The following LPP variants were observed in gnomAD, a reference collection of about 807,000 sequenced individuals.
LPP encodes the protein LIM domain containing preferred translocation partner in lipoma, also known as lipoma-preferred partner.
LPP carries 38 observed loss-of-function variants against 60.4 expected under a neutral mutation model. The ratio of observed to expected loss-of-function variants is 0.63; its 90% CI spans 0.49 to 0.83. The LOEUF (loss-of-function observed/expected upper bound fraction) is 0.83. LPP is among the 40% of genes least tolerant of loss of function. The pLI, the probability that LPP is intolerant of heterozygous loss-of-function variation, is 0.00. For synonymous variants in LPP, 328 were observed against 290.8 expected (o/e 1.13, Z -1.30); for missense variants, 902 against 783.6 (o/e 1.15, Z -1.80).
chr3:188,643,553 A>G (rs772416143), intron 7 of LPP, among the ~76,000 whole-genome samples: 1 of 152,218 alleles, frequency 6.6e-6, no homozygotes, highest in Non-Finnish European at 1.5e-5. Context: ...GTAGTTGTGG[A>G]TTCCTTCAAA....
At position 188,235,609 on chromosome 3, in the gene LPP, G is replaced by GT. The variant is rs1445660088; in HGVS notation, c.-67+10083dup. Among the ~76,000 whole-genome samples, 3 of 152,302 alleles carry GT rather than the reference G, an allele frequency of 2.0e-5. No homozygotes were observed. In the South Asian group the frequency reaches 6.2e-4, roughly 32 times the overall value. On this transcript the variant is annotated intron_variant, in intron 2 of 11. Coordinates refer to ENST00000617246, the MANE Select transcript of LPP (RefSeq NM_001375462.1). ...TCCTTTCTCCATAATCTTGGCACAT[G>GT]TAAGTGCTGACTTACCTTGGGCAAT...
chr3:188,309,609 G>C (rs1371595580), intron 2 of LPP, among the ~76,000 whole-genome samples: 1 of 152,060 alleles, frequency 6.6e-6, no homozygotes, highest in African/African-American at 2.4e-5. Flanking sequence ...GTTGTGTCCT[G>C]TGGCATCCAC....
intron 7 of LPP, among the ~76,000 whole-genome samples, chr3:188,679,216 A>G (rs560120012): frequency 1.3e-5 from 2 of 152,334 alleles, no homozygotes; most frequent in South Asian, 2.1e-4. Context: ...GGATTCCACA[A>G]TTGTAAAATG....
At chr3:188,783,720 A>G (rs1358921617) in intron 9 of LPP, among the ~76,000 whole-genome samples, 1 of 88,278 alleles carries the variant, frequency 1.1e-5, no homozygotes, top group Admixed American at 1.3e-4. Context: ...GTTTTTTTTA[A>G]AAAAAGAAAA....
intron 1 of LPP, among the ~76,000 whole-genome samples, chr3:188,205,726 G>A (rs1733018621): frequency 6.6e-6 from 1 of 152,176 alleles, no homozygotes; most frequent in African/African-American, 2.4e-5. Context: ...GGAATTTACT[G>A]GAATCAGACC....
intron 3 of LPP, among the ~76,000 whole-genome samples, chr3:188,382,408 C>T (rs946886410): frequency 2.0e-5 from 3 of 152,134 alleles, no homozygotes; most frequent in Admixed American, 2.0e-4. Context: ...GCATCAAATT[C>T]TAAGTTAATA....
Position 188,866,199 on chromosome 3 carries a change from G to C in LPP, c.1411-1G>C. The C allele has an allele frequency of 6.8e-7, 1 of 1,463,326 alleles. No homozygotes were observed. The highest frequency in any genetic ancestry group is 9.1e-7 in the Non-Finnish European group (1 of 1,097,686). The allele number at this position is 1,463,326 out of a possible 1,614,324, so 90.6% of individuals were successfully genotyped here. On this transcript the variant is annotated splice_acceptor_variant, in intron 9 of 11. Coordinates refer to ENST00000617246, the MANE Select transcript of LPP (RefSeq NM_001375462.1). LOFTEE classifies it high-confidence loss of function. ...GACGTGGTTTCTGTTTCCTTCCCCA[G>C]AATACTCTGGAGCAGTGCAATGTGT...
intron 9 of LPP, among the ~76,000 whole-genome samples, chr3:188,851,884 C>T (rs1486457503): frequency 2.6e-5 from 4 of 152,176 alleles, no homozygotes; most frequent in African/African-American, 9.7e-5. Flanking sequence ...CATCTTGGGC[C>T]AGGCGTGGTG....
At chr3:188,782,561 T>G (rs1218864333) in intron 9 of LPP, among the ~76,000 whole-genome samples, 1 of 152,204 alleles carries the variant, frequency 6.6e-6, no homozygotes, top group Admixed American at 6.5e-5. Flanking sequence ...TAATAAATGC[T>G]AACTGTGACT....
At chr3:188,796,791 T>C (rs1745486466) in intron 9 of LPP, among the ~76,000 whole-genome samples, 1 of 152,180 alleles carries the variant, frequency 6.6e-6, no homozygotes, top group African/African-American at 2.4e-5. Flanking sequence ...TTTTTGATAA[T>C]TATTTTGAGA....
At chr3:188,224,976 C>T (rs1377868729) in intron 1 of LPP, among the ~76,000 whole-genome samples, 1 of 152,158 alleles carries the variant, frequency 6.6e-6, no homozygotes, top group African/African-American at 2.4e-5. Flanking sequence ...CTCTGCTGCT[C>T]ACTGATTCTC....
chr3:188,473,032 C>G (rs1802251493), intron 4 of LPP, among the ~76,000 whole-genome samples: 1 of 152,034 alleles, frequency 6.6e-6, no homozygotes, highest in Non-Finnish European at 1.5e-5. Context: ...GACTGTTTCT[C>G]TATTTTTTTT....
In LPP at chr3:188,182,961, A is replaced by G. The variant is rs193199472; in HGVS notation, c.-190+28709A>G. Among the ~76,000 whole-genome samples, 2 of 151,938 alleles carry G rather than the reference A, an allele frequency of 1.3e-5. No homozygotes were observed. The highest frequency in any genetic ancestry group is 4.8e-5 in the African/African-American group (2 of 41,424). Reference sequence around the variant, plus strand: ...ATTGTACATTGCTGGTGAAAAACCAATGGTCTAGGCCAGCATCCTATTGTA... The same window carrying G: ...ATTGTACATTGCTGGTGAAAAACCAGTGGTCTAGGCCAGCATCCTATTGTA... On this transcript the variant is annotated intron_variant, in intron 1 of 11. Transcript: ENST00000617246. The surrounding 1 kb of genome is among the most constrained non-coding windows in gnomAD (Gnocchi z 4.4).
chr3:188,702,580 C>T lies in LPP; in HGVS notation c.1114-5687C>T, dbSNP rs548960914. On this transcript the variant is annotated intron_variant, in intron 7 of 11. Coordinates refer to ENST00000617246, the MANE Select transcript of LPP (RefSeq NM_001375462.1). Reference sequence around the variant, plus strand: ...TAAAGTTCTTGGCACTTGGTAATCCCGTAGGAGATTTATGTTAAGACAATT... The same window carrying T: ...TAAAGTTCTTGGCACTTGGTAATCCTGTAGGAGATTTATGTTAAGACAATT... Among the ~76,000 whole-genome samples, 144 of 152,214 alleles carry T rather than the reference C, an allele frequency of 9.5e-4. 1 individual carries two copies. Among genetic ancestry groups the T allele is most frequent in the African/African-American group, 3.4e-3 (142 of 41,532 alleles).
rs1405247751 is a variant in LPP at position 188,593,485 on chromosome 3, T to TACCCCAA, written c.430-15676_430-15675insACCCCAA. 1.1e-4 allele frequency among the ~76,000 whole-genome samples: 17 copies of TACCCCAA among 152,276 alleles called. 1 individual carries two copies. The highest frequency in any genetic ancestry group is 2.6e-4 in the African/African-American group (11 of 41,568). On this transcript the variant is annotated intron_variant, in intron 6 of 11. Transcript: ENST00000617246. Reference sequence around the variant, plus strand: ...CTAAGTTATTGGGGTATAGGTGGTATTTGGTTACATTAGTAAGTTCTTTAA... The same window carrying TACCCCAA: ...CTAAGTTATTGGGGTATAGGTGGTATACCCCAATTGGTTACATTAGTAAGTTCTTTAA...
intron 8 of LPP, among the ~76,000 whole-genome samples, chr3:188,747,536 CAT>C (rs1316615738): frequency 6.6e-6 from 1 of 152,070 alleles, no homozygotes; most frequent in Non-Finnish European, 1.5e-5. Context: ...ATTTGAGAAG[CAT>C]GTTTCCTTAA....
At chr3:188,697,063 A>G (rs1863407033) in intron 7 of LPP, among the ~76,000 whole-genome samples, 1 of 152,220 alleles carries the variant, frequency 6.6e-6, no homozygotes, top group Non-Finnish European at 1.5e-5. Flanking sequence ...GGTCAAGCAA[A>G]AAAACATGTT....
At chr3:188,503,444 C>T (rs1338074651) in intron 5 of LPP, among the ~76,000 whole-genome samples, 1 of 151,968 alleles carries the variant, frequency 6.6e-6, no homozygotes, top group Non-Finnish European at 1.5e-5. Flanking sequence ...ATGTAGAAAA[C>T]AAAAAGTAAA....
intron 5 of LPP, among the ~76,000 whole-genome samples, chr3:188,520,207 C>T (rs1005098423): frequency 1.3e-5 from 2 of 152,166 alleles, no homozygotes; most frequent in African/African-American, 2.4e-5. Flanking sequence ...ATAACATGTT[C>T]GAATGGTTTA....
Sources: allele counts gnomAD v4.1 joint callset (sites outside exome capture counted in the v4.1 genomes callset), GRCh38; gene constraint gnomAD v4.1.1; non-coding constraint Gnocchi (gnomAD v3.1); transcripts MANE v1.5; gene names NCBI Gene and HGNC (gene_info 2026-07-23, HGNC 2026-07-21).